MAP2: variants seen among roughly 807,000 people sequenced by gnomAD.
MAP2 encodes the protein microtubule associated protein 2.
MAP2 carries 14 observed loss-of-function variants against 137.6 expected under a neutral mutation model. The observed-to-expected ratio is 0.10, with a 90% CI of 0.07 to 0.16. MAP2 has a LOEUF of 0.16. MAP2 is among the 10% of genes least tolerant of loss of function. MAP2 has a pLI of 1.00. For missense variants in MAP2, 2,088 were observed against 2,191.5 expected, an observed-to-expected ratio of 0.95 and a Z score of 0.94; for synonymous variants, 786 against 782.3, an observed-to-expected ratio of 1.00 and a Z score of -0.08.
At chr2:209,586,045 AC>A (rs2077625219) in intron 3 of MAP2, among the ~76,000 whole-genome samples, 1 of 152,160 alleles carries the variant, frequency 6.6e-6, no homozygotes, top group South Asian at 2.1e-4. Context: ...TCTGACTCTA[AC>A]TAGTCAAATC....
At chr2:209,721,160 C>A (rs1236269466) in intron 13 of MAP2, among the ~76,000 whole-genome samples, 1 of 152,148 alleles carries the variant, frequency 6.6e-6, no homozygotes, top group Non-Finnish European at 1.5e-5. Flanking sequence ...GGCGAACATT[C>A]AGGTGCAAGT....
chr2:209,650,817 GC>G (rs2094740631), intron 4 of MAP2, among the ~76,000 whole-genome samples: 1 of 152,096 alleles, frequency 6.6e-6, no homozygotes, highest in South Asian at 2.1e-4. Flanking sequence ...AAAATGTAAA[GC>G]CTGTTAACTC....
chr2:209,716,941 A>C (rs2067910580), intron 13 of MAP2, among the ~76,000 whole-genome samples: 1 of 152,196 alleles, frequency 6.6e-6, no homozygotes. Flanking sequence ...TTTGTGCCAC[A>C]AGGGCCAGCT....
At chr2:209,643,192 C>T (rs938444040) in intron 4 of MAP2, among the ~76,000 whole-genome samples, 3 of 152,176 alleles carry the variant, frequency 2.0e-5, no homozygotes, top group African/African-American at 4.8e-5. Context: ...CTATCTGGCA[C>T]ATAGTGTATT....
At chr2:209,515,178 A>G (rs1363500580) in intron 2 of MAP2, among the ~76,000 whole-genome samples, 1 of 152,094 alleles carries the variant, frequency 6.6e-6, no homozygotes, top group East Asian at 1.9e-4. Context: ...TGAAGAGTTG[A>G]GTAAAGAAAA....
chr2:209,702,600 A>G (rs1462644484), intron 11 of MAP2, among the ~76,000 whole-genome samples: 1 of 152,044 alleles, frequency 6.6e-6, no homozygotes, highest in Non-Finnish European at 1.5e-5. Context: ...AGACCCACCC[A>G]TAATCCTGCA....
intron 13 of MAP2, among the ~76,000 whole-genome samples, chr2:209,724,254 G>A (rs2072873439): frequency 6.6e-6 from 1 of 152,086 alleles, no homozygotes; most frequent in African/African-American, 2.4e-5. Context: ...AGCTTGATGG[G>A]ATTTTTTTTC....
intron 2 of MAP2, among the ~76,000 whole-genome samples, chr2:209,553,234 A>C (rs1307831089): frequency 6.6e-6 from 1 of 152,020 alleles, no homozygotes; most frequent in Non-Finnish European, 1.5e-5. Context: ...GATGGTCTCG[A>C]TCTCTTGACC....
rs114994900 is a variant in MAP2, at chr2:209,512,369, G to A, written c.-172+4728G>A. ...TATGGGGATTGCTAAATAAATAGGA[G>A]TGTTTGTTCCATTGATCCTTGAAAA... On this transcript the variant is annotated intron_variant, in intron 2 of 15. Transcript: ENST00000682079. Among the ~76,000 whole-genome samples, 359 of 151,786 alleles carry A rather than the reference G, an allele frequency of 2.4e-3. 1 individual carries two copies. The highest frequency in any genetic ancestry group is 8.2e-3 in the African/African-American group (340 of 41,424).
Position 209,730,558 on chromosome 2 carries a change from A to G in MAP2, c.*161A>G, listed in dbSNP as rs1461419820. On this transcript the variant is annotated 3_prime_UTR_variant, in exon 16 of 16. Transcript: ENST00000682079. ...ACAATTTTCTATTTAAAAAATGAAT[A>G]GTACATGCAGAAATTGACCTGATTT... is the stretch of plus-strand genomic sequence containing the variant. 4 of 616,892 alleles carry G rather than the reference A, an allele frequency of 6.5e-6. No homozygotes were observed. The highest frequency in any genetic ancestry group is 1.1e-5 in the Non-Finnish European group (4 of 355,080). 38.2% of individuals were successfully genotyped at this position (616,892 alleles called of 1,614,324 possible).
At chr2:209,557,336 C>T (rs1460336010) in intron 2 of MAP2, among the ~76,000 whole-genome samples, 4 of 152,258 alleles carry the variant, frequency 2.6e-5, no homozygotes, top group East Asian at 1.9e-4. Context: ...TTGTTGTTTC[C>T]GTTACCTGTC....
rs572622649 is a variant in MAP2 at position 209,440,483 on chromosome 2, C to T, written c.-222+16207C>T. Among the ~76,000 whole-genome samples the T allele has an allele frequency of 8.9e-4, 134 of 151,354 alleles. No homozygotes were observed. The Middle Eastern group carries it at 0.014, about 15-fold the overall frequency. On this transcript the variant is annotated intron_variant, in intron 1 of 15. Coordinates refer to ENST00000682079, the MANE Select transcript of MAP2 (RefSeq NM_001375505.1). Reference sequence around the variant, plus strand: ...TGAGTCCTTGAGAAAGTCATTTGACCCTCTGGGCCTTAGTTTTCTAATAAA... The same window carrying T: ...TGAGTCCTTGAGAAAGTCATTTGACTCTCTGGGCCTTAGTTTTCTAATAAA...
chr2:209,584,932 G>A (rs1012768830), intron 3 of MAP2, among the ~76,000 whole-genome samples: 2 of 152,156 alleles, frequency 1.3e-5, no homozygotes, highest in African/African-American at 4.8e-5. Context: ...CGAGGAAAGA[G>A]TCCTTCTTTT....
chr2:209,461,275 A>T (rs1404380033), intron 1 of MAP2, among the ~76,000 whole-genome samples: 1 of 152,184 alleles, frequency 6.6e-6, no homozygotes, highest in Non-Finnish European at 1.5e-5. Flanking sequence ...AATGTAATAA[A>T]ATTTGAAATT....
intron 2 of MAP2, among the ~76,000 whole-genome samples, chr2:209,513,018 T>G (rs777934120): frequency 8.5e-5 from 13 of 152,126 alleles, no homozygotes; most frequent in Non-Finnish European, 1.5e-4. Context: ...TTGAGTAGTA[T>G]TATATGGTTC....
At chr2:209,522,800 C>T (rs371494662) in intron 2 of MAP2, among the ~76,000 whole-genome samples, 2 of 151,784 alleles carry the variant, frequency 1.3e-5, no homozygotes, top group East Asian at 2.0e-4. Context: ...AGTAACAAAA[C>T]GGTTGCATTC....
At chr2:209,509,974 A>G (rs191126224) in intron 2 of MAP2, among the ~76,000 whole-genome samples, 1 of 151,856 alleles carries the variant, frequency 6.6e-6, no homozygotes, top group African/African-American at 2.4e-5. Context: ...GATTTTATGA[A>G]ACACAATATT....
At chr2:209,670,113 G>A (rs1240082977) in intron 5 of MAP2, among the ~76,000 whole-genome samples, 2 of 151,844 alleles carry the variant, frequency 1.3e-5, no homozygotes, top group East Asian at 1.9e-4. Flanking sequence ...CTTAATGATT[G>A]GATTCAATTT....
chr2:209,676,571 C>T (rs2051595130), intron 5 of MAP2, among the ~76,000 whole-genome samples: 2 of 151,210 alleles, frequency 1.3e-5, no homozygotes, highest in African/African-American at 2.4e-5. Flanking sequence ...AAGAGAGTCC[C>T]TGACTTGGGA....
Sources: gnomAD v4.1 joint callset for allele counts (sites outside exome capture counted in the v4.1 genomes callset) on GRCh38, gnomAD v4.1.1 for gene constraint, MANE v1.5 for transcripts, NCBI Gene and HGNC (gene_info 2026-07-23, HGNC 2026-07-21) for gene names.